The following TRPM6 variants were observed in gnomAD, a reference collection of about 807,000 sequenced individuals.
TRPM6 encodes channel kinase 2.
Under a neutral mutation model 247.6 loss-of-function variants are expected in TRPM6, and 111 were observed. That is an observed-to-expected ratio of 0.45 (90% CI 0.38 to 0.52). The LOEUF is 0.52. Among genes scored for constraint, TRPM6 ranks in the 20% least tolerant of loss-of-function variants. The pLI is 0.00. For synonymous variants in TRPM6, 892 were observed against 853.8 expected (o/e 1.04, Z -0.78); for missense variants, 2,126 against 2,421.5 (o/e 0.88, Z 2.56).
chr9:74,744,135 G>A lies in TRPM6; in HGVS notation c.5094C>T (p.Ala1698=). 1 of 1,613,948 alleles carries A rather than the reference G, an allele frequency of 6.2e-7. No individual in the cohort carries two copies. ...GAGGCTCTTGAGGGCTTTTTAAGGA[G>A]GCTGAGATCTCTGAAATTAGAGAGG... The part of the protein sequence containing the change: ...KSSIGVDKIS[A]SLKSPQEPHH... The change falls in exon 32 of 39, where the codon GCC becomes GCT. Residue 1698 remains alanine, a synonymous_variant. Transcript: ENST00000360774.
At chr9:74,884,712 A>C (rs1831477821) in intron 1 of TRPM6, among the ~76,000 whole-genome samples, 1 of 152,198 alleles carries the variant, frequency 6.6e-6, no homozygotes, top group South Asian at 2.1e-4. Flanking sequence ...TTAGTGACAA[A>C]GTTTTTAAGG....
rs1564013255 is a variant in TRPM6, at chr9:74,785,854, T to C, written c.2919+20A>G. The C allele has an allele frequency of 6.2e-7, 1 of 1,614,034 alleles. No homozygotes were observed. Among genetic ancestry groups the C allele is most frequent in the Admixed American group, 1.7e-5 (1 of 60,008 alleles). ...AATTTTAAAAAAGAATACCAGGATA[T>C]AAAACTAGACTGTACTCACCATTTT... On this transcript the variant is annotated intron_variant, in intron 21 of 38. Transcript: ENST00000360774.
At chr9:74,834,551 T>C (rs951879489) in intron 5 of TRPM6, among the ~76,000 whole-genome samples, 1 of 151,972 alleles carries the variant, frequency 6.6e-6, no homozygotes, top group Admixed American at 6.6e-5. Context: ...GCCATGTTGG[T>C]TTGCTGCACC....
intron 1 of TRPM6, among the ~76,000 whole-genome samples, chr9:74,871,630 A>T (rs1831034727): frequency 6.6e-6 from 1 of 151,970 alleles, no homozygotes; most frequent in African/African-American, 2.4e-5. Flanking sequence ...ATACACCTGC[A>T]AGTAAAATTT....
intron 3 of TRPM6, among the ~76,000 whole-genome samples, chr9:74,855,217 C>T (rs954351536): frequency 1.3e-5 from 2 of 152,162 alleles, no homozygotes; most frequent in Admixed American, 6.5e-5. Context: ...ATTACAGTCC[C>T]GTATGCGCAT....
chr9:74,781,014 C>G (rs1341844761), intron 23 of TRPM6, among the ~76,000 whole-genome samples: 2 of 152,034 alleles, frequency 1.3e-5, no homozygotes, highest in Admixed American at 1.3e-4. Context: ...AAATTTCTAA[C>G]TGGTGAAGGA....
intron 18 of TRPM6, among the ~76,000 whole-genome samples, chr9:74,793,881 G>A (rs539384743): frequency 1.3e-5 from 2 of 152,264 alleles, no homozygotes; most frequent in South Asian, 4.1e-4. Flanking sequence ...CAGTCCAAGG[G>A]AATTAACTCA....
At chr9:74,883,335 T>C (rs1831425238) in intron 1 of TRPM6, among the ~76,000 whole-genome samples, 1 of 152,184 alleles carries the variant, frequency 6.6e-6, no homozygotes, top group South Asian at 2.1e-4. Context: ...TTTTTAATGA[T>C]TGTGATTTTA....
intron 17 of TRPM6, chr9:74,799,970 T>C: frequency 2.2e-6 from 1 of 451,552 alleles, no homozygotes. Context: ...TCTGGCTGGC[T>C]AGGCAGGTGT....
chr9:74,729,471 T>C (rs937602203), intron 37 of TRPM6, among the ~76,000 whole-genome samples: 22 of 152,328 alleles, frequency 1.4e-4, no homozygotes, highest in African/African-American at 5.3e-4. Flanking sequence ...GATCTCAGAT[T>C]GCCTCTTTGC....
chr9:74,763,673 C>G (rs992869609), intron 25 of TRPM6, among the ~76,000 whole-genome samples: 1 of 151,972 alleles, frequency 6.6e-6, no homozygotes, highest in Non-Finnish European at 1.5e-5. Flanking sequence ...TTCAAACAGG[C>G]TTCCCAAGTT....
chr9:74,768,829 T>C (rs916969677), intron 25 of TRPM6, among the ~76,000 whole-genome samples: 3 of 152,216 alleles, frequency 2.0e-5, no homozygotes, highest in African/African-American at 4.8e-5. Context: ...TGTCCATATC[T>C]TTGTCCACCT....
chr9:74,725,988 C>T (rs535404300), intron 38 of TRPM6, among the ~76,000 whole-genome samples: 14 of 152,256 alleles, frequency 9.2e-5, no homozygotes, highest in African/African-American at 3.4e-4. Flanking sequence ...AGAGCCTATG[C>T]CCTTTATACT....
In TRPM6 at chr9:74,724,489, G is replaced by A. The variant is rs1461060573; in HGVS notation, c.*124C>T. 1.1e-5 allele frequency: 15 copies of A among 1,381,236 alleles called. No individual in the cohort carries two copies. The highest frequency in any genetic ancestry group is 2.3e-5 in the East Asian group (1 of 43,612). 85.6% of individuals were successfully genotyped at this position (1,381,236 alleles called of 1,614,324 possible). A position where few individuals can be genotyped will look rare whatever the true frequency, so the allele number is the denominator to read the frequency against. ...ATGAGGCCTTTGAACAGAAGGAGAT[G>A]TGAGGCTCAGAAGGCGTGTCCCAAG... On this transcript the variant is annotated 3_prime_UTR_variant, in exon 39 of 39. Coordinates refer to ENST00000360774, the MANE Select transcript of TRPM6 (RefSeq NM_017662.5).
At chr9:74,801,619 C>G (rs1232974866) in intron 16 of TRPM6, among the ~76,000 whole-genome samples, 1 of 152,138 alleles carries the variant, frequency 6.6e-6, no homozygotes, top group East Asian at 1.9e-4. Context: ...TTGAACATTT[C>G]ATAGTTAGGA....
At chr9:74,859,773 C>CAA (rs946269078) in intron 1 of TRPM6, among the ~76,000 whole-genome samples, 5 of 76,042 alleles carry the variant, frequency 6.6e-5, no homozygotes, top group Non-Finnish European at 8.6e-5. Flanking sequence ...GACTCTGTCT[C>CAA]AAAAAAAAAA....
chr9:74,791,843 C>CTT (rs1827911852), intron 19 of TRPM6, among the ~76,000 whole-genome samples: 1 of 152,140 alleles, frequency 6.6e-6, no homozygotes, highest in African/African-American at 2.4e-5. Context: ...GCAGGCTCTG[C>CTT]CCCCTGGGGT....
intron 21 of TRPM6, 71 bp downstream of exon 21, chr9:74,785,803 G>C (rs908907207): frequency 2.5e-5 from 39 of 1,571,386 alleles, no homozygotes; most frequent in Non-Finnish European, 3.3e-5. Flanking sequence ...GATTACAGGT[G>C]TGAGCCACCA....
At chr9:74,832,854 C>T (rs947193722) in intron 6 of TRPM6, among the ~76,000 whole-genome samples, 4 of 152,106 alleles carry the variant, frequency 2.6e-5, no homozygotes, top group African/African-American at 9.7e-5. Flanking sequence ...AGTTTGAGAC[C>T]AGCCTAGCCA....
Sources: gnomAD v4.1 joint callset for allele counts (sites outside exome capture counted in the v4.1 genomes callset) on GRCh38, gnomAD v4.1.1 for gene constraint, MANE v1.5 for transcripts, NCBI Gene and HGNC (gene_info 2026-07-23, HGNC 2026-07-21) for gene names.